Variants in PTPRC observed in about 807,000 individuals in gnomAD.
The protein encoded by PTPRC is protein tyrosine phosphatase receptor type C.
In PTPRC, 44 loss-of-function variants were observed where a neutral mutation model predicts 155.9. The ratio of observed to expected loss-of-function variants is 0.28; its 90% CI spans 0.22 to 0.36. PTPRC has a LOEUF of 0.36. Ranked by LOEUF, PTPRC falls within the 10% of genes least tolerant of loss-of-function variation. The pLI is 1.00. For missense variants in PTPRC, 1,401 were observed against 1,564.6 expected (o/e 0.90, Z 1.76); for synonymous variants, 525 against 533.1 (o/e 0.98, Z 0.21).
chr1:198,720,325 A>T (rs12137998), intron 14 of PTPRC, among the ~76,000 whole-genome samples: 13,875 of 152,068 alleles, frequency 0.091, 831 homozygotes, highest in Non-Finnish European at 0.13. Context: ...ATAACTTTTT[A>T]AAAAAATTTT....
chr1:198,734,478 G>A, intron 22 of PTPRC, 53 bp downstream of exon 22: 1 of 1,509,434 alleles, frequency 6.6e-7, no homozygotes, highest in Non-Finnish European at 9.2e-7. Context: ...AAAACAAGGT[G>A]TTGAATGGCA....
At chr1:198,737,611 G>A (rs866608495) in intron 23 of PTPRC, among the ~76,000 whole-genome samples, 64 of 151,744 alleles carry the variant, frequency 4.2e-4, no homozygotes, top group African/African-American at 1.5e-3. Context: ...CTCTAGTTTT[G>A]TTCTTTTCAC....
intron 5 of PTPRC, chr1:198,700,244 C>T (rs1298945745): frequency 6.3e-6 from 1 of 158,366 alleles, no homozygotes; most frequent in Non-Finnish European, 1.4e-5. Context: ...ATATTTCCTC[C>T]CTTTTCTTTT....
chr1:198,652,466 G>A lies in PTPRC; in HGVS notation c.73+13125G>A, dbSNP rs144959374. Among the ~76,000 whole-genome samples, 984 of 151,818 alleles carry A rather than the reference G, an allele frequency of 6.5e-3. 7 individuals carry two copies. The highest frequency in any genetic ancestry group is 0.011 in the Non-Finnish European group (775 of 67,864). The stretch of plus-strand genomic sequence containing the variant: ...ATAATCTAGTTGTGTGTAAGCACCA[G>A]AGAGATATTTAAATACCTATCCAAT... On this transcript the variant is annotated intron_variant, in intron 2 of 32. Transcript: ENST00000442510.
chr1:198,704,617 T>C (rs1038022659), intron 8 of PTPRC, 119 bp downstream of exon 8: 1 of 1,579,538 alleles, frequency 6.3e-7, no homozygotes, highest in African/African-American at 1.4e-5. Context: ...CTCTAATTTC[T>C]CACCGATGAC....
intron 15 of PTPRC, among the ~76,000 whole-genome samples, chr1:198,724,523 T>G (rs916192056): frequency 5.9e-5 from 9 of 152,224 alleles, no homozygotes; most frequent in African/African-American, 1.9e-4. Context: ...AAAATAATTC[T>G]AATTCTCCCA....
chr1:198,661,549 C>T (rs1383640534), intron 2 of PTPRC, among the ~76,000 whole-genome samples: 1 of 151,690 alleles, frequency 6.6e-6, no homozygotes, highest in African/African-American at 2.4e-5. Flanking sequence ...TAATTTTCTA[C>T]TAATGAGAGA....
At chr1:198,735,058 T>A (rs1224066522) in intron 22 of PTPRC, 69 bp from the exon 23 acceptor site, 8 of 1,378,882 alleles carry the variant, frequency 5.8e-6, no homozygotes, top group Non-Finnish European at 8.0e-6. Context: ...TTTCACTGTT[T>A]AAAGAAAGTT....
intron 2 of PTPRC, among the ~76,000 whole-genome samples, chr1:198,673,306 T>TA (rs1376516889): frequency 2.0e-5 from 3 of 152,180 alleles, no homozygotes; most frequent in Non-Finnish European, 4.4e-5. Context: ...AATTAAAAAA[T>TA]ACTGTGTGGA....
intron 19 of PTPRC, 33 bp downstream of exon 19, chr1:198,732,423 A>G (rs761638532): frequency 8.8e-6 from 14 of 1,598,502 alleles, no homozygotes; most frequent in Non-Finnish European, 1.2e-5. Flanking sequence ...ATTCCCATAT[A>G]TTAGGCTACT....
At chr1:198,687,988 T>C (rs1241939905) in intron 2 of PTPRC, among the ~76,000 whole-genome samples, 1 of 152,120 alleles carries the variant, frequency 6.6e-6, no homozygotes, top group African/African-American at 2.4e-5. Flanking sequence ...TTTATGACCA[T>C]GAGAACAAGC....
chr1:198,708,559 ACAGGC>A (rs1211187704), intron 10 of PTPRC, among the ~76,000 whole-genome samples: 1 of 152,234 alleles, frequency 6.6e-6, no homozygotes, highest in African/African-American at 2.4e-5. Flanking sequence ...ATTGTTATAC[ACAGGC>A]ATTGTTGAAG....
rs545496429 is a variant in PTPRC at position 198,705,576 on chromosome 1, G to A, written c.685+1078G>A. On this transcript the variant is annotated intron_variant, in intron 8 of 32. Coordinates refer to ENST00000442510, the MANE Select transcript of PTPRC (RefSeq NM_002838.5). ...GCTGGGACTATAGGCACATGCCACCGAGCCCAGCTGATTTTTGTATTTTTA... is the reference window on the plus strand; with the variant it reads ...GCTGGGACTATAGGCACATGCCACCAAGCCCAGCTGATTTTTGTATTTTTA... Among the ~76,000 whole-genome samples the A allele has an allele frequency of 9.3e-5, 14 of 151,278 alleles. No individual in the cohort carries two copies. In the South Asian group the frequency reaches 1.0e-3, roughly 11 times the overall value.
chr1:198,656,179 T>TAAGA (rs1222096265), intron 2 of PTPRC, among the ~76,000 whole-genome samples: 1 of 152,110 alleles, frequency 6.6e-6, no homozygotes, highest in Non-Finnish European at 1.5e-5. Context: ...TTTTGTCCTG[T>TAAGA]AAGAGTTATC....
intron 2 of PTPRC, among the ~76,000 whole-genome samples, chr1:198,685,629 A>AG (rs201423434): frequency 0.017 from 2,548 of 152,026 alleles, 69 homozygotes; most frequent in African/African-American, 0.059. Flanking sequence ...TCTAGCATAA[A>AG]AAAAGTGCAA....
chr1:198,664,470 C>A (rs1420818805), intron 2 of PTPRC, among the ~76,000 whole-genome samples: 3 of 152,074 alleles, frequency 2.0e-5, no homozygotes, highest in Non-Finnish European at 4.4e-5. Context: ...TTATTGTGCC[C>A]CAGTGCAGAC....
Position 198,713,080 on chromosome 1 carries a change from G to C in PTPRC, c.1291+8G>C. 1 of 1,613,372 alleles carries C rather than the reference G, an allele frequency of 6.2e-7. No individual in the cohort carries two copies. The highest frequency in any genetic ancestry group is 1.1e-5 in the South Asian group (1 of 91,022). On this transcript the variant is annotated splice_region_variant and intron_variant, in intron 12 of 32. Coordinates refer to ENST00000442510, the MANE Select transcript of PTPRC (RefSeq NM_002838.5). Reference sequence around the variant, plus strand: ...GTTATATAAAAGAGACAGGTAATTTGTGTAGAATTTAATTTCATCAGAAAA... The same window carrying C: ...GTTATATAAAAGAGACAGGTAATTTCTGTAGAATTTAATTTCATCAGAAAA...
At chr1:198,651,292 T>TTGTG (rs67899145) in intron 2 of PTPRC, among the ~76,000 whole-genome samples, 19,977 of 147,604 alleles carry the variant, frequency 0.14, 1,402 homozygotes, top group African/African-American at 0.19. Context: ...CAGATTGGGA[T>TTGTG]TGTGTGTGTG....
intron 2 of PTPRC, among the ~76,000 whole-genome samples, chr1:198,683,009 C>G (rs979179552): frequency 6.6e-6 from 1 of 152,098 alleles, no homozygotes; most frequent in Admixed American, 6.5e-5. Context: ...TTTTTCCTTA[C>G]AGTGCAATGC....
Sources: allele counts gnomAD v4.1 joint callset (sites outside exome capture counted in the v4.1 genomes callset), GRCh38; gene constraint gnomAD v4.1.1; transcripts MANE v1.5; gene names NCBI Gene and HGNC (gene_info 2026-07-23, HGNC 2026-07-21).